The following FHAD1 variants were observed in gnomAD, a reference collection of about 807,000 sequenced individuals.
The protein encoded by FHAD1 is forkhead associated phosphopeptide binding domain 1, also known as forkhead-associated domain-containing protein 1.
FHAD1 carries 146 observed loss-of-function variants against 191.3 expected under a neutral mutation model. The ratio of observed to expected loss-of-function variants is 0.76; its 90% CI spans 0.67 to 0.88. FHAD1 has a LOEUF of 0.88. Ranked by LOEUF, FHAD1 falls within the 40% of genes least tolerant of loss-of-function variation. The pLI is 0.00. For missense variants in FHAD1, 1,635 were observed against 1,785.8 expected (o/e 0.92, Z 1.52); for synonymous variants, 616 against 672.3 (o/e 0.92, Z 1.29).
intron 7 of FHAD1, among the ~76,000 whole-genome samples, chr1:15,310,735 C>T (rs1284396347): frequency 5.3e-5 from 8 of 152,168 alleles, no homozygotes; most frequent in Non-Finnish European, 2.9e-5. Context: ...GGCCGGGTTA[C>T]GCTGCAGTGA....
intron 4 of FHAD1, among the ~76,000 whole-genome samples, chr1:15,290,921 A>C (rs531268254): frequency 6.6e-6 from 1 of 151,828 alleles, no homozygotes. Flanking sequence ...TCACCATGTT[A>C]GCCAGGATGG....
intron 6 of FHAD1, 69 bp downstream of exon 6, chr1:15,301,510 C>T (rs556906560): frequency 4.7e-5 from 64 of 1,352,712 alleles, no homozygotes; most frequent in Non-Finnish European, 5.6e-5. Context: ...GACCACCAAC[C>T]AAGGTGAGCC....
At chr1:15,304,922 C>T (rs1348390455) in intron 6 of FHAD1, among the ~76,000 whole-genome samples, 2 of 151,064 alleles carry the variant, frequency 1.3e-5, no homozygotes, top group African/African-American at 2.4e-5. Flanking sequence ...CACCTGGTGG[C>T]CAGGTGCAGG....
chr1:15,370,471 G>A (rs1379296891), intron 26 of FHAD1, among the ~76,000 whole-genome samples: 1 of 152,148 alleles, frequency 6.6e-6, no homozygotes, highest in Admixed American at 6.5e-5. Flanking sequence ...CCCTCTTGAT[G>A]GACACTTAGG....
chr1:15,326,974 T>C, intron 11 of FHAD1, 85 bp from the exon 12 acceptor site: 9 of 789,366 alleles, frequency 1.1e-5, no homozygotes, highest in Non-Finnish European at 1.7e-5. Context: ...CTAAGTGGTG[T>C]TTCCCGCACC....
In FHAD1 at chr1:15,367,630, G is replaced by T; in HGVS notation, c.3314+8G>T. The T allele has an allele frequency of 1.3e-6, 2 of 1,540,844 alleles. No individual in the cohort carries two copies. Among genetic ancestry groups the T allele is most frequent in the Non-Finnish European group, 8.7e-7 (1 of 1,143,098 alleles). The stretch of plus-strand genomic sequence containing the variant: ...CCTTGAGGAGGCACTCAGGTTGGGT[G>T]GGCGGGGGCCGGGTTGGGGGGATGG... On this transcript the variant is annotated splice_region_variant and intron_variant, in intron 25 of 33. Coordinates refer to ENST00000688493, the MANE Select transcript of FHAD1 (RefSeq NM_001391957.1).
intron 6 of FHAD1, among the ~76,000 whole-genome samples, chr1:15,303,848 C>CAAAAAAAAAAAAAAAAAA (rs765601462): frequency 9.6e-6 from 1 of 104,432 alleles, no homozygotes; most frequent in African/African-American, 3.2e-5. Flanking sequence ...GACTCTGTCT[C>CAAAAAAAAAAAAAAAAAA]AAAAAAAAAA....
chr1:15,254,605 T>C (rs752287022), intron 2 of FHAD1, among the ~76,000 whole-genome samples: 1 of 152,174 alleles, frequency 6.6e-6, no homozygotes, highest in Non-Finnish European at 1.5e-5. Flanking sequence ...CAGCATTGAT[T>C]GTATAAAAAT....
chr1:15,249,696 G>A (rs1021658782), intron 1 of FHAD1, among the ~76,000 whole-genome samples: 3 of 152,012 alleles, frequency 2.0e-5, no homozygotes, highest in Non-Finnish European at 2.9e-5. Flanking sequence ...GGTGTTAAGG[G>A]CTATCTGTTA....
At chr1:15,400,758 G>T (rs1217203743), downstream of FHAD1, among the ~76,000 whole-genome samples, 1 of 152,214 alleles carries the variant, frequency 6.6e-6, no homozygotes, top group Non-Finnish European at 1.5e-5. Context: ...TGCTCAGCAG[G>T]CCCACTCATC....
intron 23 of FHAD1, chr1:15,363,899 G>T (rs1695599166): frequency 2.4e-6 from 1 of 423,988 alleles, no homozygotes; most frequent in South Asian, 1.7e-5. Flanking sequence ...CCACCTGCCT[G>T]ACCCTTGCAC....
At position 15,236,657 on chromosome 1, in the gene FHAD1, A is replaced by G. The variant is rs1023183049; in HGVS notation, c.-119A>G. 3.3e-5 allele frequency among the ~76,000 whole-genome samples: 5 copies of G among 152,246 alleles called. No homozygotes were observed. The East Asian group carries it at 5.8e-4, about 18-fold the overall frequency. On this transcript the variant is annotated 5_prime_UTR_variant, in exon 1 of 34. Coordinates refer to the FHAD1 transcript ENST00000683790. ...GTCTTTCTGGGACCATTATACAGAG[A>G]TTCTGTCTGAGGTTGGATCCACGTG...
intron 2 of FHAD1, among the ~76,000 whole-genome samples, chr1:15,270,495 C>T (rs1213283078): frequency 6.6e-6 from 1 of 152,004 alleles, no homozygotes; most frequent in Non-Finnish European, 1.5e-5. Context: ...TGAAATAGGG[C>T]AATGCAATAA....
chr1:15,402,230 T>TG (rs1435640785), downstream of FHAD1, among the ~76,000 whole-genome samples: 2 of 152,236 alleles, frequency 1.3e-5, no homozygotes, highest in African/African-American at 4.8e-5. Context: ...CTCATGGCCT[T>TG]GACCTTTACT....
At chr1:15,250,242 C>T (rs1573623585) in intron 1 of FHAD1, among the ~76,000 whole-genome samples, 3 of 152,206 alleles carry the variant, frequency 2.0e-5, no homozygotes, top group Non-Finnish European at 2.9e-5. Flanking sequence ...CATCTTTAGA[C>T]GTAATCTCAA....
In FHAD1 at chr1:15,344,556, A is replaced by G. The variant is rs137965757; in HGVS notation, c.2131-527A>G. Among the ~76,000 whole-genome samples, 51 of 152,350 alleles carry G rather than the reference A, an allele frequency of 3.3e-4. 1 individual carries two copies. In the East Asian group the frequency reaches 9.1e-3, roughly 27 times the overall value. ...AATACACAGCAAGCACAGTGTTCCA[A>G]TAAAACTTTATTTACAAAAACAGAC... is the stretch of plus-strand genomic sequence containing the variant. On this transcript the variant is annotated intron_variant, in intron 16 of 33. Transcript: ENST00000688493.
rs183859481 is a variant in FHAD1 at position 15,339,895 on chromosome 1, G to A, written c.1977+344G>A. On this transcript the variant is annotated intron_variant, in intron 15 of 33. Transcript: ENST00000688493. ...GACTGGAGTACAGTGGTGCAATCTC[G>A]GCTCATTGCAACCTCTGCCTCCCGG... Among the ~76,000 whole-genome samples, 89 of 151,940 alleles carry A rather than the reference G, an allele frequency of 5.9e-4. No individual in the cohort carries two copies. In the East Asian group the frequency reaches 0.016, roughly 27 times the overall value.
At chr1:15,242,589 C>G (rs1645516685), upstream of FHAD1, among the ~76,000 whole-genome samples, 1 of 152,118 alleles carries the variant, frequency 6.6e-6, no homozygotes, top group Non-Finnish European at 1.5e-5. Flanking sequence ...GCTGGGTTCC[C>G]AAGAATCACC....
In FHAD1 at chr1:15,308,508, C is replaced by G. The variant is rs533513476; in HGVS notation, c.916-105C>G. ...AAAAAGCTTGGTTTCCCCAACACCCCAGCCAAAACTCAATCTGAATCTTTC... is the reference window on the plus strand; with the variant it reads ...AAAAAGCTTGGTTTCCCCAACACCCGAGCCAAAACTCAATCTGAATCTTTC... On this transcript the variant is annotated intron_variant, in intron 6 of 33. Coordinates refer to ENST00000688493, the MANE Select transcript of FHAD1 (RefSeq NM_001391957.1). The G allele has an allele frequency of 4.2e-5, 62 of 1,469,030 alleles. No individual in the cohort carries two copies. In the African/African-American group the frequency reaches 6.8e-4, roughly 16 times the overall value. 91.0% of individuals were successfully genotyped at this position (1,469,030 alleles called of 1,614,324 possible). A position where few individuals can be genotyped will look rare whatever the true frequency, so the allele number is the denominator to read the frequency against.
Sources: allele counts gnomAD v4.1 joint callset (sites outside exome capture counted in the v4.1 genomes callset), GRCh38; gene constraint gnomAD v4.1.1; transcripts MANE v1.5; gene names NCBI Gene and HGNC (gene_info 2026-07-23, HGNC 2026-07-21).